PTPRD: variants seen among roughly 807,000 people sequenced by gnomAD.
PTPRD encodes the protein protein tyrosine phosphatase receptor type D.
Under a neutral mutation model 214.5 loss-of-function variants are expected in PTPRD, and 34 were observed. The observed-to-expected ratio is 0.16, with a 90% CI of 0.12 to 0.21. PTPRD has a LOEUF of 0.21. Among genes scored for constraint, PTPRD ranks in the 10% least tolerant of loss-of-function variants. PTPRD has a pLI of 1.00. For synonymous variants in PTPRD, 1,128 were observed against 845.7 expected, an observed-to-expected ratio of 1.33 and a Z score of -5.79; for missense variants, 2,545 against 2,398.7, an observed-to-expected ratio of 1.06 and a Z score of -1.27.
intron 2 of PTPRD, among the ~76,000 whole-genome samples, chr9:10,559,720 CA>C (rs2063428754): frequency 6.6e-6 from 1 of 151,954 alleles, no homozygotes; most frequent in African/African-American, 2.4e-5. Flanking sequence ...AAGAAAAAAA[CA>C]AACAACCCCA....
rs377048656 is a variant in PTPRD, at chr9:10,432,436, T to TA, written c.-599-91420dup. On this transcript the variant is annotated intron_variant, in intron 2 of 45. Transcript: ENST00000381196. ...ATGTACCCTAAAACTTAAAGTATAA[T>TA]AAAAAAAAAAGAAAGGTTTCTTTCC... Among the ~76,000 whole-genome samples, 234 of 147,450 alleles carry TA rather than the reference T, an allele frequency of 1.6e-3. 1 individual carries two copies. The highest frequency in any genetic ancestry group is 2.2e-3 in the Non-Finnish European group (149 of 66,440).
intron 3 of PTPRD, among the ~76,000 whole-genome samples, chr9:10,232,025 T>TGTGTGTGA (rs2099613185): frequency 6.8e-6 from 1 of 146,570 alleles, no homozygotes; most frequent in Non-Finnish European, 1.5e-5. Flanking sequence ...TGTGTGTGTG[T>TGTGTGTGA]GTGAGGTGCA....
intron 12 of PTPRD, among the ~76,000 whole-genome samples, chr9:8,653,699 G>C (rs1020799416): frequency 3.3e-5 from 5 of 152,040 alleles, no homozygotes; most frequent in African/African-American, 1.2e-4. Context: ...GCACTGCACT[G>C]ACCTCTCACC....
chr9:8,757,023 TC>T (rs1472151397), intron 11 of PTPRD, among the ~76,000 whole-genome samples: 1 of 152,060 alleles, frequency 6.6e-6, no homozygotes, highest in Non-Finnish European at 1.5e-5. Context: ...ACACCTGTAA[TC>T]CCAGCTACTC....
At chr9:10,609,958 T>C (rs2080516441) in intron 2 of PTPRD, among the ~76,000 whole-genome samples, 1 of 152,130 alleles carries the variant, frequency 6.6e-6, no homozygotes, top group Non-Finnish European at 1.5e-5. Flanking sequence ...CAGCACTTTA[T>C]TAGAAAGAAC....
intron 10 of PTPRD, among the ~76,000 whole-genome samples, chr9:9,045,560 A>G (rs912134488): frequency 1.3e-5 from 2 of 152,146 alleles, no homozygotes; most frequent in African/African-American, 4.8e-5. Context: ...AGAACAGCCC[A>G]TGGTTGCTTC....
At chr9:8,496,719 T>C (rs963054211) in intron 26 of PTPRD, among the ~76,000 whole-genome samples, 7 of 152,212 alleles carry the variant, frequency 4.6e-5, no homozygotes, top group African/African-American at 7.2e-5. Context: ...ATGAGCATTA[T>C]GAGCAGCCTA....
intron 12 of PTPRD, among the ~76,000 whole-genome samples, chr9:8,714,752 T>C (rs2098412383): frequency 6.6e-6 from 1 of 152,142 alleles, no homozygotes; most frequent in Non-Finnish European, 1.5e-5. Flanking sequence ...AAATCACATC[T>C]GAACCCCTAC....
At chr9:8,827,091 CTTGA>C (rs1566407783) in intron 11 of PTPRD, among the ~76,000 whole-genome samples, 2 of 151,982 alleles carry the variant, frequency 1.3e-5, no homozygotes, top group African/African-American at 4.8e-5. Flanking sequence ...TCAGAGTAGA[CTTGA>C]TTAATTCCTC....
chr9:10,428,121 C>T (rs2098641305), intron 2 of PTPRD, among the ~76,000 whole-genome samples: 1 of 151,866 alleles, frequency 6.6e-6, no homozygotes, highest in Non-Finnish European at 1.5e-5. Flanking sequence ...TTGAGACCAG[C>T]CTGGCCAACA....
chr9:10,360,677 C>A lies in PTPRD; in HGVS notation c.-599-19660G>T, dbSNP rs183833042. ...TAGATTCATAAAAATTATTGATGAC[C>A]CCCCAAAAGCTTTATTTAGCACGGT... On this transcript the variant is annotated intron_variant, in intron 2 of 45. Transcript: ENST00000381196. Among the ~76,000 whole-genome samples, 35 of 152,102 alleles carry A rather than the reference C, an allele frequency of 2.3e-4. 1 individual carries two copies. The highest frequency in any genetic ancestry group is 4.3e-4 in the Non-Finnish European group (29 of 68,004).
chr9:9,136,895 G>A (rs1368770854), intron 10 of PTPRD, among the ~76,000 whole-genome samples: 1 of 152,136 alleles, frequency 6.6e-6, no homozygotes, highest in Admixed American at 6.5e-5. Flanking sequence ...GCCTATTTGG[G>A]ATTGCCTTCA....
At chr9:8,776,518 G>A (rs568199205) in intron 11 of PTPRD, among the ~76,000 whole-genome samples, 206 of 88,332 alleles carry the variant, frequency 2.3e-3, no homozygotes, top group African/African-American at 6.7e-3. Context: ...GGCCGGTCTC[G>A]AACTCCTGGG....
At chr9:10,269,823 C>G (rs1416035470) in intron 3 of PTPRD, among the ~76,000 whole-genome samples, 1 of 151,674 alleles carries the variant, frequency 6.6e-6, no homozygotes, top group East Asian at 1.9e-4. Context: ...TTCTGTAAAA[C>G]ATAATTCTAA....
chr9:9,962,310 ATAAT>A (rs1393608113), intron 4 of PTPRD, among the ~76,000 whole-genome samples: 5 of 152,072 alleles, frequency 3.3e-5, no homozygotes, highest in Admixed American at 2.0e-4. Flanking sequence ...ACAGAAAACA[ATAAT>A]TAAGTTATAG....
At chr9:9,673,812 A>G (rs985351621) in intron 7 of PTPRD, among the ~76,000 whole-genome samples, 6 of 151,732 alleles carry the variant, frequency 4.0e-5, no homozygotes, top group Admixed American at 3.9e-4. Flanking sequence ...GATTACATAT[A>G]AGGAAAAATG....
chr9:10,355,705 C>A (rs914736911), intron 2 of PTPRD, among the ~76,000 whole-genome samples: 1 of 151,810 alleles, frequency 6.6e-6, no homozygotes, highest in African/African-American at 2.4e-5. Context: ...CTTGAACTCC[C>A]GACCTCAGGT....
chr9:10,603,087 G>C (rs959500150), intron 2 of PTPRD, among the ~76,000 whole-genome samples: 2 of 151,800 alleles, frequency 1.3e-5, no homozygotes, highest in African/African-American at 4.8e-5. Context: ...CTGACGCCAA[G>C]AGGCTGTAGA....
chr9:9,536,782 A>T (rs914522315), intron 8 of PTPRD, among the ~76,000 whole-genome samples: 1 of 152,044 alleles, frequency 6.6e-6, no homozygotes, highest in Admixed American at 6.6e-5. Context: ...CTTAAACGAA[A>T]AGCCCCTTCT....
Sources: gnomAD v4.1 joint callset for allele counts (sites outside exome capture counted in the v4.1 genomes callset) on GRCh38, gnomAD v4.1.1 for gene constraint, MANE v1.5 for transcripts, NCBI Gene and HGNC (gene_info 2026-07-23, HGNC 2026-07-21) for gene names.